PTPRR: variants seen among roughly 807,000 people sequenced by gnomAD.
PTPRR encodes receptor-type tyrosine-protein phosphatase R.
In PTPRR, 38 loss-of-function variants were observed where a neutral mutation model predicts 77.2. The observed-to-expected ratio is 0.49, with a 90% CI of 0.38 to 0.65. PTPRR has a LOEUF of 0.65. PTPRR is among the 30% of genes least tolerant of loss of function. The probability of loss-of-function intolerance (pLI) is 0.00; values close to 1 mark genes in which losing one functional copy is unlikely to be tolerated. For synonymous variants in PTPRR, 299 were observed against 283.1 expected (o/e 1.06, Z -0.57); for missense variants, 744 against 799.2 (o/e 0.93, Z 0.83).
chr12:70,891,713 G>A (rs1353470550), intron 2 of PTPRR, among the ~76,000 whole-genome samples: 6 of 151,882 alleles, frequency 4.0e-5, no homozygotes, highest in Admixed American at 1.3e-4. Flanking sequence ...AAACATTGAC[G>A]AATGGAACTT....
intron 1 of PTPRR, among the ~76,000 whole-genome samples, chr12:70,914,792 A>G (rs1319342811): frequency 3.9e-5 from 6 of 152,132 alleles, no homozygotes; most frequent in Non-Finnish European, 8.8e-5. Context: ...CACTGCACTC[A>G]AGCTTGGGCA....
chr12:70,894,775 C>A (rs906350837), intron 1 of PTPRR, among the ~76,000 whole-genome samples: 2 of 151,602 alleles, frequency 1.3e-5, no homozygotes, highest in Non-Finnish European at 3.0e-5. Context: ...ATTTCCAAAT[C>A]CGAGGAACTC....
intron 2 of PTPRR, among the ~76,000 whole-genome samples, chr12:70,848,975 G>A (rs563296896): frequency 3.6e-4 from 55 of 152,230 alleles, no homozygotes; most frequent in Middle Eastern, 6.8e-3. Flanking sequence ...CTTGATGTAA[G>A]TTAAATAATT....
chr12:70,893,939 T>A (rs1377756870), intron 1 of PTPRR, among the ~76,000 whole-genome samples: 3 of 151,942 alleles, frequency 2.0e-5, no homozygotes, highest in African/African-American at 4.8e-5. Context: ...TTATTTCTTC[T>A]GTTAGATAAA....
At chr12:70,913,916 A>C (rs1026618582) in intron 1 of PTPRR, among the ~76,000 whole-genome samples, 10 of 152,208 alleles carry the variant, frequency 6.6e-5, no homozygotes, top group African/African-American at 2.2e-4. Context: ...GCATAGTTCT[A>C]GGGAATAAGT....
At chr12:70,658,883 G>GGTTT (rs1295017452) in intron 12 of PTPRR, among the ~76,000 whole-genome samples, 16 of 36,938 alleles carry the variant, frequency 4.3e-4, no homozygotes, top group African/African-American at 1.8e-3. Flanking sequence ...TTTTGCTCTA[G>GGTTT]TTTTTTTTTT....
At chr12:70,712,953 C>T (rs1351255951) in intron 6 of PTPRR, among the ~76,000 whole-genome samples, 1 of 152,114 alleles carries the variant, frequency 6.6e-6, no homozygotes, top group Non-Finnish European at 1.5e-5. Flanking sequence ...ATTATAGTCA[C>T]TTAGTTGTAT....
chr12:70,906,411 A>G (rs942403467), intron 1 of PTPRR, among the ~76,000 whole-genome samples: 1 of 152,076 alleles, frequency 6.6e-6, no homozygotes, highest in African/African-American at 2.4e-5. Context: ...GGATTTCCAG[A>G]AATTCTACTC....
chr12:70,864,473 C>T (rs1187646948), intron 2 of PTPRR, among the ~76,000 whole-genome samples: 1 of 152,162 alleles, frequency 6.6e-6, no homozygotes, highest in African/African-American at 2.4e-5. Flanking sequence ...ATGAATTTGT[C>T]TCCATCATGA....
At chr12:70,863,590 A>G (rs1368006652) in intron 2 of PTPRR, among the ~76,000 whole-genome samples, 2 of 152,004 alleles carry the variant, frequency 1.3e-5, no homozygotes, top group African/African-American at 4.8e-5. Context: ...TAGCAAGCTG[A>G]TTCCTAAAAT....
chr12:70,904,514 T>TACAGATCAG (rs1277494957), intron 1 of PTPRR, among the ~76,000 whole-genome samples: 1 of 151,842 alleles, frequency 6.6e-6, no homozygotes, highest in Non-Finnish European at 1.5e-5. Flanking sequence ...AGTTATGAAA[T>TACAGATCAG]ACAGATCAGT....
At chr12:70,700,892 T>C (rs906055486) in intron 7 of PTPRR, among the ~76,000 whole-genome samples, 2 of 152,198 alleles carry the variant, frequency 1.3e-5, no homozygotes, top group African/African-American at 2.4e-5. Flanking sequence ...GCCCCTTCTC[T>C]GCCCAGCTCC....
intron 2 of PTPRR, among the ~76,000 whole-genome samples, chr12:70,878,393 C>G (rs183129669): frequency 2.0e-5 from 3 of 152,124 alleles, no homozygotes; most frequent in Non-Finnish European, 2.9e-5. Context: ...TGAACTCAAA[C>G]AAATTTACAA....
chr12:70,873,170 C>T (rs17108950), intron 2 of PTPRR, among the ~76,000 whole-genome samples: 6,805 of 152,166 alleles, frequency 0.045, 196 homozygotes, highest in African/African-American at 0.062. Context: ...AAGACTCCTA[C>T]GCCTATGAGT....
chr12:70,886,715 T>C lies in PTPRR; in HGVS notation c.357+5964A>G, dbSNP rs532970360. 3.3e-5 allele frequency among the ~76,000 whole-genome samples: 5 copies of C among 152,358 alleles called. 1 individual carries two copies. The East Asian group carries it at 7.7e-4, about 23-fold the overall frequency. On this transcript the variant is annotated intron_variant, in intron 2 of 13. Transcript: ENST00000283228. ...GGTAATTAAGTGTTAAAATTGCATATTCAATCATATTTTCTTGATAATGAG... is the reference window on the plus strand; with the variant it reads ...GGTAATTAAGTGTTAAAATTGCATACTCAATCATATTTTCTTGATAATGAG...
chr12:70,834,110 CT>C (rs1892262185), intron 2 of PTPRR, among the ~76,000 whole-genome samples: 1 of 152,140 alleles, frequency 6.6e-6, no homozygotes, highest in South Asian at 2.1e-4. Flanking sequence ...CCAGAGACAC[CT>C]TTGCTGTTAT....
At chr12:70,847,883 T>C (rs1211613770) in intron 2 of PTPRR, among the ~76,000 whole-genome samples, 1 of 152,216 alleles carries the variant, frequency 6.6e-6, no homozygotes, top group Non-Finnish European at 1.5e-5. Context: ...AAAATAGTTG[T>C]AACATATAAT....
chr12:70,915,480 T>A (rs901267997), intron 1 of PTPRR, among the ~76,000 whole-genome samples: 1 of 152,138 alleles, frequency 6.6e-6, no homozygotes, highest in Non-Finnish European at 1.5e-5. Context: ...AAGAAGCAAA[T>A]CAGTTTTTTC....
chr12:70,852,895 G>A (rs1468191507), intron 2 of PTPRR, among the ~76,000 whole-genome samples: 1 of 152,136 alleles, frequency 6.6e-6, no homozygotes, highest in Non-Finnish European at 1.5e-5. Context: ...CACTGGGCTT[G>A]GTGTGCATGC....
Sources: allele counts gnomAD v4.1 joint callset (sites outside exome capture counted in the v4.1 genomes callset), GRCh38; gene constraint gnomAD v4.1.1; transcripts MANE v1.5; gene names NCBI Gene and HGNC (gene_info 2026-07-23, HGNC 2026-07-21).